The following RNF144A variants were observed in gnomAD, a reference collection of about 807,000 sequenced individuals.
RNF144A encodes the protein ring finger protein 144A.
A neutral mutation model predicts 38.7 loss-of-function variants in RNF144A; 11 were observed. The observed-to-expected ratio is 0.28, with a 90% CI of 0.18 to 0.47. The LOEUF (loss-of-function observed/expected upper bound fraction) is 0.47. Ranked by LOEUF, RNF144A falls within the 20% of genes least tolerant of loss-of-function variation. RNF144A has a pLI of 0.99. For synonymous variants in RNF144A, 149 were observed against 143.9 expected, an observed-to-expected ratio of 1.04 and a Z score of -0.25; for missense variants, 316 against 377.2, an observed-to-expected ratio of 0.84 and a Z score of 1.34.
rs1667423947 is a variant in RNF144A at position 6,962,758 on chromosome 2, C to T, written c.-12+21611C>T. On this transcript the variant is annotated intron_variant, in intron 2 of 8. Transcript: ENST00000320892. The surrounding 1 kb of genome is among the most constrained non-coding windows in gnomAD (Gnocchi z 4.1). The stretch of plus-strand genomic sequence containing the variant: ...ATTTTATTCATCACAGCATAAACTT[C>T]CAGAGGCAGGGCAATACCTTTTCCA... 6.6e-6 allele frequency among the ~76,000 whole-genome samples: 1 copy of T among 152,172 alleles called. No homozygotes were observed. The highest frequency in any genetic ancestry group is 6.5e-5 in the Admixed American group (1 of 15,290).
chr2:6,943,175 T>A lies in RNF144A; in HGVS notation c.-12+2028T>A, dbSNP rs542943429. Among the ~76,000 whole-genome samples, 38 of 152,088 alleles carry A rather than the reference T, an allele frequency of 2.5e-4. No individual in the cohort carries two copies. The highest frequency in any genetic ancestry group is 5.1e-4 in the Non-Finnish European group (35 of 68,014). On this transcript the variant is annotated intron_variant, in intron 2 of 8. Coordinates refer to ENST00000320892, the MANE Select transcript of RNF144A (RefSeq NM_014746.6). This position sits in a 1 kb window ranked among gnomAD's most constrained non-coding sequence, Gnocchi z 4.3. ...TTTCAAGGAATAAGATCAGATGAGA[T>A]CCCCAGTGAAAGAAGAGAGGAGTTG...
rs1669733294 is a variant in RNF144A, at chr2:6,996,294, G to T, written c.-11-622G>T. On this transcript the variant is annotated intron_variant, in intron 2 of 8. Coordinates refer to ENST00000320892, the MANE Select transcript of RNF144A (RefSeq NM_014746.6). ...CCAAGCAATATGTATTTTAGCAAAA[G>T]CTTCTCTTCCAAGATGGCTAAGGTT... Among the ~76,000 whole-genome samples the T allele has an allele frequency of 2.0e-5, 3 of 152,316 alleles. No individual in the cohort carries two copies. In the South Asian group the frequency reaches 6.2e-4, roughly 32 times the overall value.
chr2:7,019,243 G>C (rs115343447), intron 5 of RNF144A, among the ~76,000 whole-genome samples: 1 of 152,352 alleles, frequency 6.6e-6, no homozygotes, highest in African/African-American at 2.4e-5. Context: ...TAAACACACA[G>C]AGCCTTACAC....
chr2:7,019,395 C>T (rs1159001778), intron 5 of RNF144A, among the ~76,000 whole-genome samples: 1 of 152,230 alleles, frequency 6.6e-6, no homozygotes, highest in Non-Finnish European at 1.5e-5. Flanking sequence ...GTAGGAATCC[C>T]ATGTGTGACA....
At chr2:6,920,808 T>A (rs1664495208) in intron 1 of RNF144A, among the ~76,000 whole-genome samples, 1 of 152,206 alleles carries the variant, frequency 6.6e-6, no homozygotes, top group Non-Finnish European at 1.5e-5. Context: ...GATGAAGAAA[T>A]TAAATTGAAG....
rs1014293829 is a variant in RNF144A at position 7,066,249 on chromosome 2, A to G, written c.735-1967A>G. On this transcript the variant is annotated intron_variant, in intron 6 of 6. Transcript: ENST00000432850. ...ACTACAGGCGCCCACTATCACGCCC[A>G]GCTAATTTTTTGTATTTTTAGCAGA... 6.6e-5 allele frequency among the ~76,000 whole-genome samples: 10 copies of G among 151,842 alleles called. No homozygotes were observed. The East Asian group carries it at 9.7e-4, about 15-fold the overall frequency.
At position 6,962,767 on chromosome 2, in the gene RNF144A, G is replaced by A. The variant is rs1407664760; in HGVS notation, c.-12+21620G>A. ...ATCACAGCATAAACTTCCAGAGGCA[G>A]GGCAATACCTTTTCCATTACTGAGC... On this transcript the variant is annotated intron_variant, in intron 2 of 8. Coordinates refer to ENST00000320892, the MANE Select transcript of RNF144A (RefSeq NM_014746.6). The surrounding 1 kb of genome is among the most constrained non-coding windows in gnomAD (Gnocchi z 4.1). Among the ~76,000 whole-genome samples, 2 of 152,282 alleles carry A rather than the reference G, an allele frequency of 1.3e-5. No homozygotes were observed. The highest frequency in any genetic ancestry group is 4.8e-5 in the African/African-American group (2 of 41,554).
intron 2 of RNF144A, among the ~76,000 whole-genome samples, chr2:6,974,118 G>A (rs547954233): frequency 1.5e-4 from 23 of 152,244 alleles, no homozygotes; most frequent in East Asian, 1.9e-4. Flanking sequence ...CACCTAGTTC[G>A]CAGCCTGTAA....
At chr2:6,956,125 G>A (rs1666980851) in intron 2 of RNF144A, among the ~76,000 whole-genome samples, 1 of 152,082 alleles carries the variant, frequency 6.6e-6, no homozygotes, top group Non-Finnish European at 1.5e-5. Flanking sequence ...GCTTATTGGG[G>A]GTTCTAAAAT....
intron 2 of RNF144A, among the ~76,000 whole-genome samples, chr2:6,961,864 T>TTAGCTA (rs763914776): frequency 6.6e-6 from 1 of 152,214 alleles, no homozygotes; most frequent in Non-Finnish European, 1.5e-5. Context: ...GGAAGTAGTA[T>TTAGCTA]TAGCTACAGT....
chr2:7,052,334 C>T (rs1051764376), intron 6 of RNF144A, among the ~76,000 whole-genome samples: 3 of 152,174 alleles, frequency 2.0e-5, no homozygotes, highest in African/African-American at 7.2e-5. Flanking sequence ...ATTTTCTAGT[C>T]CTCACAAAAG....
chr2:6,944,207 G>T lies in RNF144A; in HGVS notation c.-12+3060G>T, dbSNP rs1385487114. Among the ~76,000 whole-genome samples the T allele has an allele frequency of 6.6e-6, 1 of 152,100 alleles. No individual in the cohort carries two copies. Among genetic ancestry groups the T allele is most frequent in the African/African-American group, 2.4e-5 (1 of 41,406 alleles). ...TGCGGGAGGAGGCCGGGCACTATGG[G>T]CCTGGGGTGATGGAGAAAGGACCTG... On this transcript the variant is annotated intron_variant, in intron 2 of 8. Transcript: ENST00000320892. This position sits in a 1 kb window ranked among gnomAD's most constrained non-coding sequence, Gnocchi z 4.7.
intron 1 of RNF144A, among the ~76,000 whole-genome samples, chr2:6,924,547 C>A (rs956187749): frequency 3.9e-5 from 6 of 152,148 alleles, no homozygotes; most frequent in Non-Finnish European, 8.8e-5. Context: ...GGCAAAGACC[C>A]AGGACGGGCA....
intron 2 of RNF144A, among the ~76,000 whole-genome samples, chr2:6,953,412 A>G (rs1666810892): frequency 6.6e-6 from 1 of 152,152 alleles, no homozygotes; most frequent in African/African-American, 2.4e-5. Context: ...CTGGGAAACA[A>G]GAGCAAAACT....
chr2:6,989,979 A>G (rs1478740611), intron 2 of RNF144A, among the ~76,000 whole-genome samples: 1 of 152,164 alleles, frequency 6.6e-6, no homozygotes, highest in African/African-American at 2.4e-5. Flanking sequence ...CGTACACACA[A>G]TTAGCTATTA....
At chr2:6,999,652 C>T (rs554718575) in intron 3 of RNF144A, among the ~76,000 whole-genome samples, 4 of 152,102 alleles carry the variant, frequency 2.6e-5, no homozygotes, top group South Asian at 4.2e-4. Flanking sequence ...CCTCATTTAC[C>T]CCATCTGTAT....
chr2:6,952,800 T>A (rs886867792), intron 2 of RNF144A, among the ~76,000 whole-genome samples: 1 of 151,958 alleles, frequency 6.6e-6, no homozygotes, highest in African/African-American at 2.4e-5. Flanking sequence ...TGTTCATAAT[T>A]CCCTGCTTTT....
At chr2:7,036,738 G>A (rs1672705297) in intron 8 of RNF144A, among the ~76,000 whole-genome samples, 1 of 152,182 alleles carries the variant, frequency 6.6e-6, no homozygotes, top group South Asian at 2.1e-4. Context: ...CCTAGTTTCA[G>A]TGAATTAATA....
At chr2:6,952,594 G>A (rs546914539) in intron 2 of RNF144A, among the ~76,000 whole-genome samples, 1 of 149,182 alleles carries the variant, frequency 6.7e-6, no homozygotes, top group Non-Finnish European at 1.5e-5. Flanking sequence ...TAAGCTTTAT[G>A]TATATATATA....
Sources: allele counts gnomAD v4.1 joint callset (sites outside exome capture counted in the v4.1 genomes callset), GRCh38; gene constraint gnomAD v4.1.1; non-coding constraint Gnocchi (gnomAD v3.1); transcripts MANE v1.5; gene names NCBI Gene and HGNC (gene_info 2026-07-23, HGNC 2026-07-21).